MOG: variants seen among roughly 807,000 people sequenced by gnomAD.
MOG encodes the protein myelin oligodendrocyte glycoprotein.
Under a neutral mutation model 35.9 loss-of-function variants are expected in MOG, and 20 were observed. The observed-to-expected ratio is 0.56, with a 90% CI of 0.39 to 0.81. MOG has a LOEUF of 0.81. Among genes scored for constraint, MOG ranks in the 30% least tolerant of loss-of-function variants. The probability of loss-of-function intolerance (pLI) is 0.00; values close to 1 mark genes in which losing one functional copy is unlikely to be tolerated. For synonymous variants in MOG, 92 were observed against 114.3 expected (o/e 0.80, Z 1.25); for missense variants, 251 against 301.0 (o/e 0.83, Z 1.23).
intron 3 of MOG, among the ~76,000 whole-genome samples, chr6:29,666,621 T>A (rs1770280631): frequency 6.6e-6 from 1 of 152,168 alleles, no homozygotes; most frequent in Admixed American, 6.6e-5. Flanking sequence ...TCCATGCAAC[T>A]TGGGAGAGTG....
intron 2 of MOG, among the ~76,000 whole-genome samples, chr6:29,660,560 G>GCA (rs1491119858): frequency 1.0e-5 from 1 of 97,724 alleles, no homozygotes; most frequent in Non-Finnish European, 2.2e-5. Flanking sequence ...GTATTTGTGA[G>GCA]CGCACACACA....
At chr6:29,669,178 C>T (rs1227744623) in intron 5 of MOG, among the ~76,000 whole-genome samples, 1 of 150,820 alleles carries the variant, frequency 6.6e-6, no homozygotes, top group African/African-American at 2.4e-5. Flanking sequence ...GCCTTGGCCT[C>T]CCAAAGTGCT....
intron 2 of MOG, among the ~76,000 whole-genome samples, chr6:29,660,545 A>AC (rs1294260961): frequency 7.9e-6 from 1 of 126,154 alleles, no homozygotes; most frequent in Non-Finnish European, 1.7e-5. Context: ...AAAAAAAAAA[A>AC]CCCTGTATTT....
intron 5 of MOG, among the ~76,000 whole-genome samples, chr6:29,669,474 A>G (rs1407022461): frequency 6.6e-6 from 1 of 150,878 alleles, no homozygotes; most frequent in East Asian, 2.0e-4. Context: ...TATTTTTAGT[A>G]GAGACGGGGT....
rs9280631 is a variant in MOG, at chr6:29,662,483, C to CA, written c.436+2829dup. ...GGGCAACAAGAGCAAAACTCTGTCT[C>CA]AAAAAAAAAAAACCACATACAAACC... On this transcript the variant is annotated intron_variant, in intron 2 of 7. Coordinates refer to ENST00000376917, the MANE Select transcript of MOG (RefSeq NM_206809.4). This position sits in a 1 kb window ranked among gnomAD's most constrained non-coding sequence, Gnocchi z 4.2. 0.26 allele frequency among the ~76,000 whole-genome samples: 36,070 copies of CA among 139,776 alleles called. 4,936 individuals carry two copies. Among genetic ancestry groups the CA allele is most frequent in the African/African-American group, 0.35 (13,542 of 38,566 alleles). The allele number at this position is 139,776 out of a possible 152,430, so 91.7% of individuals were successfully genotyped here.
At position 29,657,229 on chromosome 6, in the gene MOG, C is replaced by A. The variant is rs774294291; in HGVS notation, c.20C>A (p.Pro7His). 60 of 1,611,158 alleles carry A rather than the reference C, an allele frequency of 3.7e-5. No individual in the cohort carries two copies. The highest frequency in any genetic ancestry group is 1.7e-4 in the Middle Eastern group (1 of 6,060). The change falls in exon 1 of 8, where the codon CCC (proline) becomes CAC (histidine). Residue 7 changes from proline to histidine, a missense_variant. Pro to His is a moderately conservative substitution (Grantham distance 77, BLOSUM62 -2). Transcript: ENST00000376917. MASLSR[P>H]SLPSCLCSFL... ...GTAGAGATGGCAAGCTTATCAAGACCCTCTCTGCCCAGCTGCCTCTGCTCC... is the reference window on the plus strand; with the variant it reads ...GTAGAGATGGCAAGCTTATCAAGACACTCTCTGCCCAGCTGCCTCTGCTCC...
chr6:29,658,786 A>T (rs1387700819), intron 1 of MOG, among the ~76,000 whole-genome samples: 1 of 152,178 alleles, frequency 6.6e-6, no homozygotes, highest in Admixed American at 6.6e-5. Flanking sequence ...GTATCTCTAT[A>T]ACCAGAGTCT....
In MOG at chr6:29,672,278, AC is replaced by A. The variant is rs1238733894; in HGVS notation, c.*1094del. On this transcript the variant is annotated 3_prime_UTR_variant, in exon 8 of 8. Transcript: ENST00000376917. The stretch of plus-strand genomic sequence containing the variant: ...ACTCTAGCCGGAGTGACAGAGTAAG[AC>A]TCTGTCTCAAAAATAAATAAATAAA... 3 of 176,240 alleles carry A rather than the reference AC, an allele frequency of 1.7e-5. No homozygotes were observed. The highest frequency in any genetic ancestry group is 7.5e-5 in the African/African-American group (3 of 40,160). The allele number at this position is 176,240 out of a possible 1,614,324, so 10.9% of individuals were successfully genotyped here.
At chr6:29,666,612 C>A (rs1054666894) in intron 3 of MOG, among the ~76,000 whole-genome samples, 1 of 152,160 alleles carries the variant, frequency 6.6e-6, no homozygotes, top group Non-Finnish European at 1.5e-5. Context: ...CCTAGCAGCT[C>A]CATGCAACTT....
intron 2 of MOG, among the ~76,000 whole-genome samples, chr6:29,665,274 T>G (rs965674035): frequency 6.6e-6 from 1 of 151,994 alleles, no homozygotes; most frequent in Non-Finnish European, 1.5e-5. Flanking sequence ...TTTTGTATTT[T>G]TAGTAGAAAC....
Position 29,670,190 on chromosome 6 carries a change from A to C in MOG, c.593-91A>C. Reference sequence around the variant, plus strand: ...TGTCCCCAGAGTCCTTTGGTGTTCTAGGACCCCAGGTTAAGGAACCAAAAA... The same window carrying C: ...TGTCCCCAGAGTCCTTTGGTGTTCTCGGACCCCAGGTTAAGGAACCAAAAA... On this transcript the variant is annotated intron_variant, in intron 5 of 7. Transcript: ENST00000376917. The surrounding 1 kb of genome is among the most constrained non-coding windows in gnomAD (Gnocchi z 4.2). The C allele has an allele frequency of 6.2e-7, 1 of 1,613,434 alleles. No homozygotes were observed. Among genetic ancestry groups the C allele is most frequent in the South Asian group, 1.1e-5 (1 of 91,062 alleles).
rs919351847 is a variant in MOG, at chr6:29,672,313, TAAATAAATAAATAAATAAATAAA to T, written c.*1135_*1157del. On this transcript the variant is annotated 3_prime_UTR_variant, in exon 8 of 8. Transcript: ENST00000376917. The stretch of plus-strand genomic sequence containing the variant: ...AAAAATAAATAAATAAATAAATAAA[TAAATAAATAAATAAATAAATAAA>T]AAATAATAATACAAGTTTTCATAAG... 10 of 250,100 alleles carry T rather than the reference TAAATAAATAAATAAATAAATAAA, an allele frequency of 4.0e-5. No individual in the cohort carries two copies. Among genetic ancestry groups the T allele is most frequent in the East Asian group, 8.0e-5 (1 of 12,506 alleles). 15.5% of individuals were successfully genotyped at this position (250,100 alleles called of 1,614,324 possible).
chr6:29,667,286 C>A (rs1360015072), intron 3 of MOG, among the ~76,000 whole-genome samples: 1 of 151,990 alleles, frequency 6.6e-6, no homozygotes, highest in Non-Finnish European at 1.5e-5. Context: ...TTCAGCTCCT[C>A]CCTCCTCATT....
At chr6:29,661,913 A>C in intron 2 of MOG, 1 of 984,970 alleles carries the variant, frequency 1.0e-6, no homozygotes, top group Non-Finnish European at 1.2e-6. Flanking sequence ...TGCTATCCAC[A>C]TTCCAACCTC....
rs151184185 is a variant in MOG, at chr6:29,667,802, C to G, written c.572-102C>G. 1.2e-5 allele frequency: 19 copies of G among 1,536,680 alleles called. No homozygotes were observed. In the Admixed American group the frequency reaches 3.2e-4, roughly 26 times the overall value. On this transcript the variant is annotated intron_variant, in intron 4 of 7. Coordinates refer to ENST00000376917, the MANE Select transcript of MOG (RefSeq NM_206809.4). ...TTCCCTTTCTCTACAGTGGGTGTGT[C>G]GTGCCTAGAACAAGTTTTAAGTAAT...
chr6:29,662,178 T>C lies in MOG; in HGVS notation c.436+2512T>C. Reference sequence around the variant, plus strand: ...TGTCTCTAATCCTTTCTTTAAATTCTTCATTATGAAACATAAAAACAAATG... The same window carrying C: ...TGTCTCTAATCCTTTCTTTAAATTCCTCATTATGAAACATAAAAACAAATG... On this transcript the variant is annotated intron_variant, in intron 2 of 7. Coordinates refer to ENST00000376917, the MANE Select transcript of MOG (RefSeq NM_206809.4). The surrounding 1 kb of genome is among the most constrained non-coding windows in gnomAD (Gnocchi z 4.2). 5.1e-6 allele frequency: 5 copies of C among 985,150 alleles called. No individual in the cohort carries two copies. Among genetic ancestry groups the C allele is most frequent in the Non-Finnish European group, 6.0e-6 (5 of 829,694 alleles). The allele number at this position is 985,150 out of a possible 1,614,324, so 61.0% of individuals were successfully genotyped here.
intron 2 of MOG, among the ~76,000 whole-genome samples, chr6:29,663,011 T>C (rs9468579): frequency 0.053 from 8,085 of 152,212 alleles, 435 homozygotes; most frequent in African/African-American, 0.14. Context: ...GGCTCACACC[T>C]GTAATCCCAG....
At chr6:29,665,823 T>C (rs1330845444) in intron 2 of MOG, among the ~76,000 whole-genome samples, 6 of 152,064 alleles carry the variant, frequency 3.9e-5, no homozygotes, top group African/African-American at 1.4e-4. Context: ...CACAATAATA[T>C]GAAGAGAACC....
intron 7 of MOG, 31 bp from the exon 8 acceptor site, chr6:29,671,141 C>A (rs776449715): frequency 1.2e-6 from 2 of 1,612,928 alleles, no homozygotes; most frequent in East Asian, 2.2e-5. Flanking sequence ...TACTGACATA[C>A]GTTTTTCAAG....
Sources: gnomAD v4.1 joint callset for allele counts (sites outside exome capture counted in the v4.1 genomes callset) on GRCh38, gnomAD v4.1.1 for gene constraint, Gnocchi (gnomAD v3.1) non-coding constraint, MANE v1.5 for transcripts, NCBI Gene and HGNC (gene_info 2026-07-23, HGNC 2026-07-21) for gene names.